The following PTCH1 variants were observed in gnomAD, a reference collection of about 807,000 sequenced individuals.
PTCH1 encodes protein patched homolog 1.
A neutral mutation model predicts 144.6 loss-of-function variants in PTCH1; 14 were observed. The ratio of observed to expected loss-of-function variants is 0.10; its 90% CI spans 0.06 to 0.15. The LOEUF is 0.15. PTCH1 is among the 10% of genes least tolerant of loss of function. The pLI is 1.00. For missense variants in PTCH1, 1,623 were observed against 1,948.3 expected (o/e 0.83, Z 3.14); for synonymous variants, 833 against 793.6 (o/e 1.05, Z -0.83).
At chr9:95,453,061 A>C in intron 20 of PTCH1, 1 of 322,854 alleles carries the variant, frequency 3.1e-6, no homozygotes, top group South Asian at 2.7e-5. Flanking sequence ...AAGAAAGCAG[A>C]GTCACGATGA....
At position 95,459,677 on chromosome 9, in the gene PTCH1, G is replaced by C. The variant is rs1839284772; in HGVS notation, c.2810C>G (p.Ser937Cys). 6.2e-7 allele frequency: 1 copy of C among 1,614,188 alleles called. No individual in the cohort carries two copies. The highest frequency in any genetic ancestry group is 8.5e-7 in the Non-Finnish European group (1 of 1,180,034). The change falls in exon 17 of 24, where the codon TCC (serine) becomes TGC (cysteine). Residue 937 changes from serine to cysteine, a missense_variant. Physicochemically the swap from Ser to Cys is moderately radical, Grantham distance 112 (BLOSUM62 -1). Coordinates refer to ENST00000331920, the MANE Select transcript of PTCH1 (RefSeq NM_000264.5). The stretch of plus-strand genomic sequence containing the variant: ...TCGGTGTGGCCGGATGTTGGCCTGG[G>C]AGGCAGCATACGCGACGGGGTCGTT... Reference protein sequence around the residue: ...VSNDPVAYAASQANIRPHRPE... With the variant: ...VSNDPVAYAACQANIRPHRPE...
rs1438891561 is a variant in PTCH1 at position 95,447,368 on chromosome 9, T to A, written c.3888A>T (p.Gly1296=). 6.2e-7 allele frequency: 1 copy of A among 1,613,018 alleles called. No individual in the cohort carries two copies. Among genetic ancestry groups the A allele is most frequent in the African/African-American group, 1.3e-5 (1 of 74,874 alleles). ...PHLDSGSLPP[G]RQGQQPRRDP... ...CCCTGCGGGGCTGCTGGCCTTGCCG[T>A]CCGGGAGGCAGGGACCCTGAGTCCA... The change falls in exon 23 of 24, where the codon GGA becomes GGT. Residue 1296 remains glycine, a synonymous_variant. Coordinates refer to ENST00000331920, the MANE Select transcript of PTCH1 (RefSeq NM_000264.5).
chr9:95,466,429 A>T (rs1445258417), intron 15 of PTCH1, among the ~76,000 whole-genome samples: 1 of 152,232 alleles, frequency 6.6e-6, no homozygotes, highest in Non-Finnish European at 1.5e-5. Flanking sequence ...TACTTCAAGT[A>T]CCAAATCAAA....
intron 2 of PTCH1, among the ~76,000 whole-genome samples, chr9:95,496,614 C>G (rs573483366): frequency 6.6e-6 from 1 of 151,708 alleles, no homozygotes; most frequent in Admixed American, 6.6e-5. Flanking sequence ...ATATTTAGCC[C>G]TAATCCCAAT....
chr9:95,475,163 G>A (rs1213252285), intron 12 of PTCH1, among the ~76,000 whole-genome samples: 1 of 152,188 alleles, frequency 6.6e-6, no homozygotes, highest in East Asian at 1.9e-4. Context: ...GGTAGCTCAA[G>A]GGCAACGTCA....
chr9:95,494,565 G>C (rs1842665124), intron 2 of PTCH1, among the ~76,000 whole-genome samples: 2 of 152,298 alleles, frequency 1.3e-5, no homozygotes, highest in South Asian at 4.1e-4. Flanking sequence ...CACAACCTCA[G>C]GTGCAACCAG....
intron 20 of PTCH1, chr9:95,453,231 C>T (rs572972898): frequency 2.9e-5 from 14 of 479,936 alleles, no homozygotes; most frequent in Middle Eastern, 6.2e-4. Context: ...CTCCCGGGTT[C>T]GAGCAATTCT....
chr9:95,447,316 G>C lies in PTCH1; in HGVS notation c.3940C>G (p.Pro1314Ala), dbSNP rs574856671. ...GCGTCTCTGCGCGGTCTGTAGGGGG[G>C]TGGCCACAAGCCTTCTCTGGGGGGG... ...RDPPREGLWP[P>A]PYRPRRDAFE... The change falls in exon 23 of 24, where the codon CCC becomes GCC. Residue 1314 changes from proline (P) to alanine (A), a missense_variant. Pro to Ala is a conservative substitution (Grantham distance 27). Around this residue, in one of 7 missense-constraint regions of PTCH1, gnomAD observed 291 missense variants for 287.4 expected, o/e 1.01. Coordinates refer to ENST00000331920, the MANE Select transcript of PTCH1 (RefSeq NM_000264.5). The C allele has an allele frequency of 3.1e-6, 5 of 1,613,266 alleles. No homozygotes were observed. The highest frequency in any genetic ancestry group is 4.2e-6 in the Non-Finnish European group (5 of 1,179,982).
At chr9:95,494,681 C>T (rs953656457) in intron 2 of PTCH1, among the ~76,000 whole-genome samples, 1 of 152,140 alleles carries the variant, frequency 6.6e-6, no homozygotes. Context: ...GGCTCAGAGG[C>T]CACACTCCAG....
chr9:95,487,406 G>C (rs1244464807), intron 2 of PTCH1, among the ~76,000 whole-genome samples: 2 of 152,250 alleles, frequency 1.3e-5, no homozygotes, highest in Non-Finnish European at 2.9e-5. Flanking sequence ...AAAATCACAG[G>C]AAAACACTGG....
In PTCH1 at chr9:95,508,897, C is replaced by T. The variant is rs925645266; in HGVS notation, c.-536G>A. On this transcript the variant is annotated 5_prime_UTR_variant, in exon 1 of 24. Coordinates refer to ENST00000331920, the MANE Select transcript of PTCH1 (RefSeq NM_000264.5). ...CGCAGAGCCGCCGCCGCCGCGGGGT[C>T]CGAGGGTGCCCGGCGGGTCTCAGCG... 1.2e-5 allele frequency: 11 copies of T among 894,594 alleles called. No homozygotes were observed. In the African/African-American group the frequency reaches 2.0e-4, roughly 16 times the overall value. The allele number at this position is 894,594 out of a possible 1,614,324, so 55.4% of individuals were successfully genotyped here. A position where few individuals can be genotyped will look rare whatever the true frequency, so the allele number is the denominator to read the frequency against.
intron 6 of PTCH1, 66 bp downstream of exon 6, chr9:95,480,324 G>T (rs142191645): frequency 6.4e-7 from 1 of 1,572,332 alleles, no homozygotes; most frequent in Non-Finnish European, 8.7e-7. Flanking sequence ...TAAAGTGAAC[G>T]ATGAATGGAC....
At chr9:95,469,195 G>A in intron 13 of PTCH1, 42 bp from the exon 14 acceptor site, 2 of 1,611,832 alleles carry the variant, frequency 1.2e-6, no homozygotes, top group African/African-American at 1.3e-5. Context: ...TGCTGAAACA[G>A]GGAAATGGTG....
chr9:95,461,313 G>A (rs1161036821), intron 16 of PTCH1, among the ~76,000 whole-genome samples: 2 of 152,130 alleles, frequency 1.3e-5, no homozygotes, highest in Non-Finnish European at 2.9e-5. Flanking sequence ...ATTTCCGTTT[G>A]CTTCACTCAT....
chr9:95,507,946 C>T, intron 1 of PTCH1: 4 of 1,456,322 alleles, frequency 2.7e-6, no homozygotes, highest in Non-Finnish European at 3.6e-6. Context: ...CCACCCCCTG[C>T]GGACCTCAGA....
chr9:95,488,763 G>A (rs191459238), intron 2 of PTCH1, among the ~76,000 whole-genome samples: 1 of 152,318 alleles, frequency 6.6e-6, no homozygotes, highest in East Asian at 1.9e-4. Flanking sequence ...CAAGTGTGAT[G>A]CAGAAAACGA....
chr9:95,460,000 G>A, intron 16 of PTCH1: 1 of 605,138 alleles, frequency 1.7e-6, no homozygotes, highest in Non-Finnish European at 3.0e-6. Flanking sequence ...AACAAACACA[G>A]TTCTGCAGAT....
Position 95,444,306 on chromosome 9 carries a change from A to C in PTCH1, c.*2087T>G, listed in dbSNP as rs1456287956. The C allele has an allele frequency of 6.7e-6, 1 of 149,574 alleles. No homozygotes were observed. Among genetic ancestry groups the C allele is most frequent in the African/African-American group, 2.4e-5 (1 of 40,870 alleles). 9.3% of individuals were successfully genotyped at this position (149,574 alleles called of 1,614,324 possible). ...GCCGCGCAGCCTCCGGCGCAACACG[A>C]GCTGGGCTCAGGAAGGGAGCGAGGG... On this transcript the variant is annotated 3_prime_UTR_variant, in exon 24 of 24. Transcript: ENST00000331920.
At chr9:95,477,988 T>C (rs931253616) in intron 9 of PTCH1, 67 bp downstream of exon 9, 3 of 1,609,518 alleles carry the variant, frequency 1.9e-6, no homozygotes, top group Non-Finnish European at 2.6e-6. Context: ...GGAGCAGTCA[T>C]GGAAAAGTAA....
Sources: allele counts gnomAD v4.1 joint callset (sites outside exome capture counted in the v4.1 genomes callset), GRCh38; gene constraint gnomAD v4.1.1; regional missense constraint gnomAD v4.1.1; transcripts MANE v1.5; gene names NCBI Gene and HGNC (gene_info 2026-07-23, HGNC 2026-07-21).